The following GPATCH8 variants were observed in gnomAD, a reference collection of about 807,000 sequenced individuals.
The protein encoded by GPATCH8 is G-patch domain containing 8.
A neutral mutation model predicts 118.3 loss-of-function variants in GPATCH8; 18 were observed. The ratio of observed to expected loss-of-function variants is 0.15; its 90% CI spans 0.11 to 0.23. The LOEUF (loss-of-function observed/expected upper bound fraction) is 0.23, where lower values mean the gene tolerates loss of function less well. GPATCH8 is among the 10% of genes least tolerant of loss of function. The pLI is 1.00. For synonymous variants in GPATCH8, 659 were observed against 684.7 expected (o/e 0.96, Z 0.59); for missense variants, 1,631 against 1,873.8 (o/e 0.87, Z 2.39).
Position 44,396,553 on chromosome 17 carries a change from T to C in GPATCH8, c.*1015A>G. On this transcript the variant is annotated 3_prime_UTR_variant, in exon 8 of 8. Transcript: ENST00000591680. ...ATACATGCTTAGTCAGTTTTGCATC[T>C]AGCAGAAAACAAATATTTTATTTTT... 2.3e-6 allele frequency: 1 copy of C among 440,548 alleles called. No individual in the cohort carries two copies. The highest frequency in any genetic ancestry group is 4.5e-6 in the Non-Finnish European group (1 of 222,026). The allele number at this position is 440,548 out of a possible 1,614,324, so 27.3% of individuals were successfully genotyped here.
chr17:44,414,977 T>C (rs1156700723), intron 6 of GPATCH8, among the ~76,000 whole-genome samples: 2 of 152,248 alleles, frequency 1.3e-5, no homozygotes, highest in Non-Finnish European at 2.9e-5. Flanking sequence ...CATTTACCAG[T>C]TGATGGACAT....
chr17:44,501,359 G>A (rs1219934459), intron 1 of GPATCH8, among the ~76,000 whole-genome samples: 7 of 151,814 alleles, frequency 4.6e-5, no homozygotes, highest in Non-Finnish European at 7.4e-5. Context: ...AGAGGTTGCA[G>A]TGAGCCGAGA....
Position 44,400,828 on chromosome 17 carries a change from T to C in GPATCH8, c.1249A>G (p.Ser417Gly), listed in dbSNP as rs2048991900. Residue 417 changes from serine (S) to glycine (G), a missense_variant, in exon 8 of 8, where the codon AGT (serine) becomes GGT (glycine). Physicochemically the swap from Ser to Gly is moderately conservative, Grantham distance 56. Transcript: ENST00000591680. ...GTATTATCACCATCCATTTGTTCAC[T>C]GGCTCTCATAAAAAGTAGAAAGGGA... is the stretch of plus-strand genomic sequence containing the variant. ...NFPFLLFMRA[S>G]EQMDGDNTTH... is the part of the protein sequence containing the mutation. The C allele has an allele frequency of 1.2e-6, 2 of 1,614,192 alleles. No homozygotes were observed. Among genetic ancestry groups the C allele is most frequent in the Non-Finnish European group, 1.7e-6 (2 of 1,179,984 alleles).
intron 1 of GPATCH8, among the ~76,000 whole-genome samples, chr17:44,487,717 C>G (rs1437692784): frequency 6.6e-6 from 1 of 152,094 alleles, no homozygotes; most frequent in East Asian, 1.9e-4. Context: ...ATCACCAACC[C>G]CAGTGACACC....
chr17:44,430,321 G>A (rs2050260363), intron 5 of GPATCH8, among the ~76,000 whole-genome samples: 1 of 152,046 alleles, frequency 6.6e-6, no homozygotes, highest in South Asian at 2.1e-4. Flanking sequence ...AAAAGGCGAA[G>A]TGGGATTTAT....
chr17:44,467,253 C>A, intron 2 of GPATCH8: 1 of 328,512 alleles, frequency 3.0e-6, no homozygotes, highest in Non-Finnish European at 6.3e-6. Flanking sequence ...AGTAAATTCA[C>A]GAGTCAAGAC....
At chr17:44,429,687 A>ACACACACACACACAC (rs58829323) in intron 5 of GPATCH8, among the ~76,000 whole-genome samples, 65 of 73,724 alleles carry the variant, frequency 8.8e-4, no homozygotes, top group East Asian at 4.7e-3. Flanking sequence ...CACACACACA[A>ACACACACACACACAC]AACAACAAAC....
chr17:44,416,160 C>A (rs569980099), intron 6 of GPATCH8, among the ~76,000 whole-genome samples: 5 of 152,156 alleles, frequency 3.3e-5, no homozygotes, highest in Non-Finnish European at 7.3e-5. Context: ...TGCCACCACG[C>A]CCAGCTAATT....
chr17:44,487,097 T>C (rs1968846501), intron 1 of GPATCH8, among the ~76,000 whole-genome samples: 1 of 152,182 alleles, frequency 6.6e-6, no homozygotes, highest in Non-Finnish European at 1.5e-5. Flanking sequence ...TATCTACCAT[T>C]ATAGTATCAT....
chr17:44,430,754 T>C, intron 5 of GPATCH8, among the ~76,000 whole-genome samples: 1 of 151,282 alleles, frequency 6.6e-6, no homozygotes, highest in East Asian at 1.9e-4. Flanking sequence ...GCGATTCTCC[T>C]GCCTCAGCCT....
intron 1 of GPATCH8, among the ~76,000 whole-genome samples, chr17:44,488,361 A>G (rs1025770172): frequency 2.0e-5 from 3 of 150,104 alleles, no homozygotes; most frequent in African/African-American, 7.4e-5. Context: ...CGCCAGACCA[A>G]TTTATTTTAT....
intron 1 of GPATCH8, among the ~76,000 whole-genome samples, chr17:44,484,715 G>C (rs899388876): frequency 6.6e-6 from 1 of 152,084 alleles, no homozygotes; most frequent in Non-Finnish European, 1.5e-5. Context: ...TCTTTTGGCT[G>C]TGAGTTTCAA....
chr17:44,476,844 G>T (rs894319442), intron 1 of GPATCH8, among the ~76,000 whole-genome samples: 5 of 152,200 alleles, frequency 3.3e-5, no homozygotes, highest in African/African-American at 9.6e-5. Context: ...GATAGCTGCA[G>T]ACAACTAAGA....
chr17:44,402,239 G>C (rs989287681), intron 7 of GPATCH8, among the ~76,000 whole-genome samples: 2 of 142,714 alleles, frequency 1.4e-5, no homozygotes, highest in African/African-American at 2.6e-5. Context: ...AGAATAACTT[G>C]AACCTGGGAG....
rs2048831117 is a variant in GPATCH8, at chr17:44,397,753, T to C, written c.4324A>G (p.Ile1442Val). 2.5e-6 allele frequency: 4 copies of C among 1,587,888 alleles called. No individual in the cohort carries two copies. Among genetic ancestry groups the C allele is most frequent in the Admixed American group, 1.7e-5 (1 of 58,448 alleles). ...CCAGGATGGATGGCTGAGGCGGGAA[T>C]GATGTGGATGGGATGGCTAGCGAGA... ...TFLASHPIHI[I>V]PASAIHPGPF... Residue 1442 changes from isoleucine to valine, a missense_variant, in exon 8 of 8, where the codon ATT becomes GTT. Physicochemically the swap from Ile to Val is conservative, Grantham distance 29. Transcript: ENST00000591680.
chr17:44,404,695 C>T (rs2049153523), intron 7 of GPATCH8, among the ~76,000 whole-genome samples: 2 of 151,988 alleles, frequency 1.3e-5, no homozygotes, highest in African/African-American at 4.8e-5. Flanking sequence ...AATACACAAA[C>T]TTAATCAGTA....
At position 44,400,147 on chromosome 17, in the gene GPATCH8, T is replaced by C. The variant is rs1003916626; in HGVS notation, c.1930A>G (p.Lys644Glu). 14 of 1,613,984 alleles carry C rather than the reference T, an allele frequency of 8.7e-6. No individual in the cohort carries two copies. The highest frequency in any genetic ancestry group is 1.7e-5 in the Admixed American group (1 of 59,998). ...CCATGGCTACCCCCAGGCTCCTGCT[T>C]GTTCAGGCCGCTACAGGCAGACCCT... Reference protein sequence around the residue: ...ASGSACSGLNKQEPGGSHGSE... With the variant: ...ASGSACSGLNEQEPGGSHGSE... The change falls in exon 8 of 8, where the codon AAG becomes GAG. Residue 644 changes from lysine (K) to glutamate (E), a missense_variant. Physicochemically the swap from Lys to Glu is moderately conservative, Grantham distance 56. Transcript: ENST00000591680.
intron 1 of GPATCH8, among the ~76,000 whole-genome samples, chr17:44,502,806 C>CA (rs776020288): frequency 1.3e-5 from 2 of 152,192 alleles, no homozygotes; most frequent in Non-Finnish European, 2.9e-5. Context: ...ATAGCGAAGG[C>CA]AACCTTTTCC....
chr17:44,496,991 T>C (rs369077205), intron 1 of GPATCH8, among the ~76,000 whole-genome samples: 15 of 152,338 alleles, frequency 9.8e-5, no homozygotes, highest in Middle Eastern at 3.4e-3. Flanking sequence ...AATGACTTCT[T>C]TCAGTATTTG....
Sources: allele counts gnomAD v4.1 joint callset (sites outside exome capture counted in the v4.1 genomes callset), GRCh38; gene constraint gnomAD v4.1.1; transcripts MANE v1.5; gene names NCBI Gene and HGNC (gene_info 2026-07-23, HGNC 2026-07-21).